The following KAZN variants were observed in gnomAD, a reference collection of about 807,000 sequenced individuals.
KAZN encodes kazrin.
Under a neutral mutation model 87.4 loss-of-function variants are expected in KAZN, and 40 were observed. The ratio of observed to expected loss-of-function variants is 0.46; its 90% CI spans 0.36 to 0.60. The LOEUF (loss-of-function observed/expected upper bound fraction) is 0.60. Ranked by LOEUF, KAZN falls within the 20% of genes least tolerant of loss-of-function variation. The pLI is 0.00. For synonymous variants in KAZN, 466 were observed against 458.3 expected (o/e 1.02, Z -0.22); for missense variants, 898 against 1,073.9 (o/e 0.84, Z 2.29).
At chr1:13,936,478 A>T (rs1640749682) in intron 1 of KAZN, among the ~76,000 whole-genome samples, 1 of 152,092 alleles carries the variant, frequency 6.6e-6, no homozygotes, top group Admixed American at 6.6e-5. Context: ...TCACTTGAAT[A>T]ATGAACATTG....
intron 1 of KAZN, among the ~76,000 whole-genome samples, chr1:14,121,424 A>G (rs1644749993): frequency 6.6e-6 from 1 of 152,166 alleles, no homozygotes; most frequent in Non-Finnish European, 1.5e-5. Context: ...CATTTTACAG[A>G]AGGAAAATCA....
chr1:14,787,152 C>A (rs138893500), intron 1 of KAZN, among the ~76,000 whole-genome samples: 8 of 152,318 alleles, frequency 5.3e-5, no homozygotes, highest in Non-Finnish European at 8.8e-5. Context: ...TGGTCATTTA[C>A]TACCTATGTG....
intron 1 of KAZN, among the ~76,000 whole-genome samples, chr1:14,618,264 G>A (rs1282187467): frequency 1.3e-5 from 2 of 152,220 alleles, no homozygotes; most frequent in East Asian, 3.9e-4. Flanking sequence ...ACATGAAAAG[G>A]CCAAAGTTCT....
At chr1:14,789,333 G>C (rs771203364) in intron 1 of KAZN, among the ~76,000 whole-genome samples, 1 of 152,172 alleles carries the variant, frequency 6.6e-6, no homozygotes, top group Non-Finnish European at 1.5e-5. Context: ...TGTTTCCACA[G>C]ACCAAATCCA....
At chr1:15,048,668 C>G (rs796513341) in intron 4 of KAZN, among the ~76,000 whole-genome samples, 1 of 68,452 alleles carries the variant, frequency 1.5e-5, no homozygotes, top group African/African-American at 7.5e-5. Flanking sequence ...TCCTGGGTCG[C>G]TGGTCCTGGG....
chr1:14,728,768 G>A (rs893605162), intron 1 of KAZN, among the ~76,000 whole-genome samples: 2 of 152,108 alleles, frequency 1.3e-5, no homozygotes, highest in Non-Finnish European at 2.9e-5. Flanking sequence ...TCTCACAAAC[G>A]TCACTCCCTG....
intron 1 of KAZN, among the ~76,000 whole-genome samples, chr1:13,940,360 A>G (rs1046101119): frequency 1.3e-5 from 2 of 151,838 alleles, no homozygotes; most frequent in African/African-American, 2.4e-5. Flanking sequence ...TTCTGGTTCA[A>G]TCTTGGGAGG....
chr1:14,340,888 C>CTTTTTTTTTTTTT lies in KAZN; in HGVS notation c.249+160301_249+160313dup, dbSNP rs3085672. 3.5e-3 allele frequency among the ~76,000 whole-genome samples: 360 copies of CTTTTTTTTTTTTT among 103,148 alleles called. 43 individuals are homozygous for CTTTTTTTTTTTTT. Among genetic ancestry groups the CTTTTTTTTTTTTT allele is most frequent in the African/African-American group, 0.012 (302 of 24,746 alleles). The allele number at this position is 103,148 out of a possible 152,430, so 67.7% of individuals were successfully genotyped here. A position where few individuals can be genotyped will look rare whatever the true frequency, so the allele number is the denominator to read the frequency against. On this transcript the variant is annotated intron_variant, in intron 2 of 16. Coordinates refer to the KAZN transcript ENST00000636203. Reference sequence around the variant, plus strand: ...ATCTCCGTAAGGGTCATGATTTTCCCTTTTTTTTTTTTTTTTTGAGATGGA... The same window carrying CTTTTTTTTTTTTT: ...ATCTCCGTAAGGGTCATGATTTTCCCTTTTTTTTTTTTTTTTTTTTTTTTTTTTTTGAGATGGA...
chr1:14,220,957 G>A (rs1168836234), intron 2 of KAZN, among the ~76,000 whole-genome samples: 3 of 152,128 alleles, frequency 2.0e-5, no homozygotes, highest in Admixed American at 6.5e-5. Context: ...AGCTTCCTCC[G>A]CTTATCCATC....
chr1:14,839,012 A>C (rs1455710542), intron 1 of KAZN, among the ~76,000 whole-genome samples: 1 of 151,658 alleles, frequency 6.6e-6, no homozygotes, highest in Non-Finnish European at 1.5e-5. Context: ...CCCATAATCA[A>C]CTCCTGCCAG....
At chr1:14,027,650 G>A (rs1035093330) in intron 1 of KAZN, among the ~76,000 whole-genome samples, 15 of 152,176 alleles carry the variant, frequency 9.9e-5, no homozygotes, top group African/African-American at 3.4e-4. Context: ...ACAGTCAGCT[G>A]TCTCATCATA....
intron 11 of KAZN, among the ~76,000 whole-genome samples, chr1:15,102,824 C>T (rs1294544943): frequency 6.6e-6 from 1 of 152,222 alleles, no homozygotes; most frequent in South Asian, 2.1e-4. Flanking sequence ...GCAGTCAGAG[C>T]TCCCTGTTAG....
intron 1 of KAZN, among the ~76,000 whole-genome samples, chr1:14,837,123 A>C (rs1179374831): frequency 6.6e-6 from 1 of 152,198 alleles, no homozygotes; most frequent in Non-Finnish European, 1.5e-5. Flanking sequence ...AATTTTTAGA[A>C]AGATCTCATA....
chr1:14,252,505 C>G (rs1161444384), intron 2 of KAZN, among the ~76,000 whole-genome samples: 3 of 152,156 alleles, frequency 2.0e-5, no homozygotes, highest in African/African-American at 7.2e-5. Context: ...AGGACCTTTC[C>G]TCATGTTGTT....
chr1:14,357,850 C>G (rs1300834343), intron 2 of KAZN, among the ~76,000 whole-genome samples: 1 of 152,094 alleles, frequency 6.6e-6, no homozygotes, highest in Non-Finnish European at 1.5e-5. Context: ...GATTTTTGCA[C>G]TGATGTTCAC....
At chr1:14,261,022 A>G (rs968101226) in intron 2 of KAZN, among the ~76,000 whole-genome samples, 3 of 152,234 alleles carry the variant, frequency 2.0e-5, no homozygotes, top group Non-Finnish European at 2.9e-5. Context: ...GCTGTTATGT[A>G]TAGTATGGGC....
chr1:14,759,447 A>G (rs1419874782), intron 1 of KAZN, among the ~76,000 whole-genome samples: 2 of 152,184 alleles, frequency 1.3e-5, no homozygotes, highest in Admixed American at 6.5e-5. Flanking sequence ...AGGCTCTATA[A>G]AAGCAGCTAT....
intron 2 of KAZN, among the ~76,000 whole-genome samples, chr1:14,551,347 T>C (rs1673505761): frequency 1.3e-5 from 2 of 152,206 alleles, no homozygotes; most frequent in South Asian, 4.1e-4. Flanking sequence ...CCTCGTATGA[T>C]AAAACTTTGC....
chr1:14,943,093 A>C, intron 1 of KAZN, among the ~76,000 whole-genome samples: 1 of 122,032 alleles, frequency 8.2e-6, no homozygotes, highest in African/African-American at 3.2e-5. Context: ...TTTAATTTAC[A>C]TTTTTCGAAT....
Sources: gnomAD v4.1 joint callset for allele counts (sites outside exome capture counted in the v4.1 genomes callset) on GRCh38, gnomAD v4.1.1 for gene constraint, MANE v1.5 for transcripts, NCBI Gene and HGNC (gene_info 2026-07-23, HGNC 2026-07-21) for gene names.